Variants in HTR1E observed in about 807,000 individuals in gnomAD.
HTR1E encodes the protein 5-HT-1E.
HTR1E carries 3 observed loss-of-function variants against 3.4 expected under a neutral mutation model. That is an observed-to-expected ratio of 0.89 (90% CI 0.41 to 2.31). HTR1E has a LOEUF of 2.31. Ranked by LOEUF, HTR1E falls within the 30% of genes most tolerant of loss-of-function variation. HTR1E has a pLI of 0.05. For synonymous variants in HTR1E, 170 were observed against 182.8 expected (o/e 0.93, Z 0.56); for missense variants, 392 against 467.0 (o/e 0.84, Z 1.48).
intron 1 of HTR1E, among the ~76,000 whole-genome samples, chr6:86,976,454 G>A (rs1767640728): frequency 6.6e-6 from 1 of 152,152 alleles, no homozygotes; most frequent in Non-Finnish European, 1.5e-5. Flanking sequence ...GAAACTGTTG[G>A]TTCATACACT....
chr6:86,986,662 T>C (rs1767792924), intron 1 of HTR1E, among the ~76,000 whole-genome samples: 1 of 152,196 alleles, frequency 6.6e-6, no homozygotes. Context: ...GCATTTCCCA[T>C]TATATCTGAA....
At chr6:86,999,188 C>G (rs141841284) in intron 1 of HTR1E, among the ~76,000 whole-genome samples, 53 of 152,232 alleles carry the variant, frequency 3.5e-4, no homozygotes, top group Non-Finnish European at 6.3e-4. Flanking sequence ...TCTCCAATTC[C>G]TGGCTTCAAG....
chr6:86,952,499 A>C (rs1016841141), intron 1 of HTR1E, among the ~76,000 whole-genome samples: 17 of 94,782 alleles, frequency 1.8e-4, no homozygotes, highest in African/African-American at 9.2e-4. Flanking sequence ...ACACACACAG[A>C]CACACACACA....
chr6:86,966,827 G>A (rs2127821550), intron 1 of HTR1E, among the ~76,000 whole-genome samples: 1 of 152,028 alleles, frequency 6.6e-6, no homozygotes. Context: ...ATTACACCAG[G>A]GCTTCTGAAA....
chr6:86,995,664 TCAA>T (rs1767927907), intron 1 of HTR1E, among the ~76,000 whole-genome samples: 2 of 32,984 alleles, frequency 6.1e-5, no homozygotes, highest in African/African-American at 2.1e-4. Flanking sequence ...AGACTCCATC[TCAA>T]AAAAAAAAAA....
In HTR1E at chr6:87,016,133, C is replaced by T. The variant is rs142001331; in HGVS notation, c.799C>T (p.Pro267Ser). 11 of 1,614,156 alleles carry T rather than the reference C, an allele frequency of 6.8e-6. No individual in the cohort carries two copies. Among genetic ancestry groups the T allele is most frequent in the East Asian group, 2.2e-5 (1 of 44,878 alleles). ...EKFHASIRIP[P>S]FDNDLDHPGE... ...GTTCCATGCCTCCATCAGGATCCCC[C>T]CCTTCGACAATGATCTAGATCACCC... Residue 267 changes from proline to serine, a missense_variant, in exon 2 of 2, where the codon CCC (proline) becomes TCC (serine). Transcript: ENST00000305344.
chr6:87,006,614 T>C (rs796681973), intron 1 of HTR1E, among the ~76,000 whole-genome samples: 16 of 152,316 alleles, frequency 1.1e-4, no homozygotes, highest in African/African-American at 3.8e-4. Flanking sequence ...ATTATAAAGA[T>C]ACATGCATGT....
At chr6:86,996,880 T>A (rs1023786389) in intron 1 of HTR1E, among the ~76,000 whole-genome samples, 1 of 152,004 alleles carries the variant, frequency 6.6e-6, no homozygotes, top group Non-Finnish European at 1.5e-5. Context: ...TTCCAACTCA[T>A]TTTATGAAGC....
intron 1 of HTR1E, among the ~76,000 whole-genome samples, chr6:86,938,030 T>G (rs1278539374): frequency 2.0e-5 from 3 of 152,244 alleles, no homozygotes; most frequent in African/African-American, 4.8e-5. Context: ...CATTTCTTGT[T>G]CAAACAATTC....
At chr6:86,960,866 T>C (rs1342550002) in intron 1 of HTR1E, among the ~76,000 whole-genome samples, 1 of 152,192 alleles carries the variant, frequency 6.6e-6, no homozygotes, top group Non-Finnish European at 1.5e-5. Context: ...CCCTTGTGCT[T>C]TCAAATATCT....
chr6:86,990,451 C>T (rs1226860902), intron 1 of HTR1E, among the ~76,000 whole-genome samples: 1 of 152,106 alleles, frequency 6.6e-6, no homozygotes, highest in East Asian at 1.9e-4. Flanking sequence ...GTGTTGTTGC[C>T]AGTCTATACA....
chr6:87,016,103 GA>G lies in HTR1E; in HGVS notation c.773del (p.Lys258SerfsTer15), dbSNP rs1768320598. 6.2e-7 allele frequency: 1 copy of G among 1,614,044 alleles called. No homozygotes were observed. The highest frequency in any genetic ancestry group is 1.3e-5 in the African/African-American group (1 of 74,914). On this transcript the variant is annotated frameshift_variant, in exon 2 of 2. Coordinates refer to ENST00000305344, the MANE Select transcript of HTR1E (RefSeq NM_000865.3). LOFTEE classifies it low-confidence loss of function (END_TRUNC). ...FSTSDPTTEF[E>X]KFHASIRIPP... ...CACCTCAGACCCTACCACAGAGTTT[GA>G]AAAGTTCCATGCCTCCATCAGGATC... is the stretch of plus-strand genomic sequence containing the variant.
chr6:87,006,920 G>A (rs761375725), intron 1 of HTR1E, among the ~76,000 whole-genome samples: 2 of 151,724 alleles, frequency 1.3e-5, no homozygotes, highest in Admixed American at 6.6e-5. Flanking sequence ...TGGGGCCTGC[G>A]GGGGGAGTGG....
At chr6:86,952,563 T>C (rs1767262299) in intron 1 of HTR1E, among the ~76,000 whole-genome samples, 1 of 151,982 alleles carries the variant, frequency 6.6e-6, no homozygotes, top group Admixed American at 6.6e-5. Context: ...CTCCCTGCCA[T>C]ATATGACTTA....
At chr6:87,011,188 G>C (rs1024984525) in intron 1 of HTR1E, among the ~76,000 whole-genome samples, 1 of 152,236 alleles carries the variant, frequency 6.6e-6, no homozygotes, top group Non-Finnish European at 1.5e-5. Context: ...GCTGCTAGGA[G>C]AGAGGGTGGC....
intron 1 of HTR1E, among the ~76,000 whole-genome samples, chr6:86,977,707 T>A (rs1767658868): frequency 6.6e-6 from 1 of 152,200 alleles, no homozygotes; most frequent in Non-Finnish European, 1.5e-5. Flanking sequence ...TTTGACTTTT[T>A]AATATAATAG....
At position 86,994,773 on chromosome 6, in the gene HTR1E, G is replaced by A. The variant is rs144833237; in HGVS notation, c.-185-20377G>A. Among the ~76,000 whole-genome samples, 87 of 152,248 alleles carry A rather than the reference G, an allele frequency of 5.7e-4. 1 individual carries two copies. The highest frequency in any genetic ancestry group is 2.1e-3 in the African/African-American group (86 of 41,556). On this transcript the variant is annotated intron_variant, in intron 1 of 1. Coordinates refer to ENST00000305344, the MANE Select transcript of HTR1E (RefSeq NM_000865.3). ...TATGTTTGATAGTTAAAGCAAAATT[G>A]TAACAGTCTGATGTGGTTCTCAGTG...
At chr6:86,967,820 A>T (rs1767493758) in intron 1 of HTR1E, among the ~76,000 whole-genome samples, 1 of 152,180 alleles carries the variant, frequency 6.6e-6, no homozygotes, top group South Asian at 2.1e-4. Flanking sequence ...TCTCTGGAAG[A>T]TGTGAGAATA....
At chr6:86,950,866 G>C (rs1286890019) in intron 1 of HTR1E, among the ~76,000 whole-genome samples, 1 of 152,078 alleles carries the variant, frequency 6.6e-6, no homozygotes, top group African/African-American at 2.4e-5. Flanking sequence ...TCTATAACAG[G>C]GGCAAACTTG....
Sources: gnomAD v4.1 joint callset for allele counts (sites outside exome capture counted in the v4.1 genomes callset) on GRCh38, gnomAD v4.1.1 for gene constraint, MANE v1.5 for transcripts, NCBI Gene and HGNC (gene_info 2026-07-23, HGNC 2026-07-21) for gene names.